The following RNGTT variants were observed in gnomAD, a reference collection of about 807,000 sequenced individuals.
RNGTT encodes the protein mRNA-capping enzyme.
In RNGTT, 33 loss-of-function variants were observed where a neutral mutation model predicts 79.3. The ratio of observed to expected loss-of-function variants is 0.42; its 90% CI spans 0.32 to 0.56. The LOEUF is 0.56. RNGTT is among the 20% of genes least tolerant of loss of function. The probability of loss-of-function intolerance (pLI) is 0.17; values close to 1 mark genes in which losing one functional copy is unlikely to be tolerated. For synonymous variants in RNGTT, 222 were observed against 235.9 expected, an observed-to-expected ratio of 0.94 and a Z score of 0.54; for missense variants, 497 against 739.1, an observed-to-expected ratio of 0.67 and a Z score of 3.80.
intron 6 of RNGTT, among the ~76,000 whole-genome samples, chr6:88,897,759 T>G (rs997263320): frequency 1.7e-4 from 26 of 152,308 alleles, no homozygotes; most frequent in Middle Eastern, 6.8e-3. Context: ...CAAACCTAGA[T>G]TACTTGTCCC....
At chr6:88,897,953 G>T (rs972566352) in intron 6 of RNGTT, among the ~76,000 whole-genome samples, 1 of 152,044 alleles carries the variant, frequency 6.6e-6, no homozygotes. Context: ...AGCTCAGGAT[G>T]ACCCCTCATG....
intron 12 of RNGTT, among the ~76,000 whole-genome samples, chr6:88,782,981 A>C (rs1178284329): frequency 6.6e-6 from 1 of 152,188 alleles, no homozygotes; most frequent in Non-Finnish European, 1.5e-5. Context: ...TGAAAACAGT[A>C]TTGAGGTTCC....
intron 14 of RNGTT, among the ~76,000 whole-genome samples, chr6:88,630,514 T>A (rs139981107): frequency 6.6e-6 from 1 of 152,328 alleles, no homozygotes; most frequent in African/African-American, 2.4e-5. Context: ...GTTTTAACTA[T>A]CACACAGCCT....
At chr6:88,725,455 C>G (rs768871838) in intron 13 of RNGTT, among the ~76,000 whole-genome samples, 32 of 152,308 alleles carry the variant, frequency 2.1e-4, no homozygotes, top group African/African-American at 7.7e-4. Context: ...AGAGAGAAAC[C>G]GCAGGGGCGG....
chr6:88,929,101 A>T, intron 3 of RNGTT, 28 bp from the exon 4 acceptor site: 7 of 1,593,220 alleles, frequency 4.4e-6, no homozygotes, highest in Non-Finnish European at 5.1e-6. Context: ...GTTTTTTTGA[A>T]AAAAGAGATT....
At chr6:88,733,283 G>A (rs781706291) in intron 13 of RNGTT, among the ~76,000 whole-genome samples, 1 of 152,046 alleles carries the variant, frequency 6.6e-6, no homozygotes, top group Admixed American at 6.6e-5. Context: ...AGGATTGTTT[G>A]AGCCCAGGAG....
chr6:88,801,798 G>T (rs531378761), intron 11 of RNGTT, among the ~76,000 whole-genome samples, 166 bp from the exon 12 acceptor site: 1 of 140,770 alleles, frequency 7.1e-6, no homozygotes, highest in Non-Finnish European at 1.5e-5. Flanking sequence ...TTAATACATC[G>T]TAAGATTTGA....
chr6:88,678,137 C>T, intron 14 of RNGTT: 1 of 879,176 alleles, frequency 1.1e-6, no homozygotes, highest in Non-Finnish European at 1.5e-6. Context: ...TAGGCACATG[C>T]CACTGAACTT....
At chr6:88,673,776 C>T (rs187001182) in intron 14 of RNGTT, among the ~76,000 whole-genome samples, 34 of 152,322 alleles carry the variant, frequency 2.2e-4, no homozygotes, top group African/African-American at 7.5e-4. Flanking sequence ...ATACACATAA[C>T]TCTGAGACTG....
At chr6:88,656,708 G>C (rs2127780153) in intron 14 of RNGTT, among the ~76,000 whole-genome samples, 1 of 151,682 alleles carries the variant, frequency 6.6e-6, no homozygotes, top group East Asian at 1.9e-4. Context: ...TCTCTGCCTT[G>C]GGTGAAAGTT....
chr6:88,920,097 G>T (rs552011008), intron 4 of RNGTT, among the ~76,000 whole-genome samples: 1 of 152,148 alleles, frequency 6.6e-6, no homozygotes, highest in South Asian at 2.1e-4. Flanking sequence ...AGTCCAGCCT[G>T]AACAACATAG....
At chr6:88,698,269 G>GATATATATTTC (rs1562202344) in intron 13 of RNGTT, among the ~76,000 whole-genome samples, 1 of 77,162 alleles carries the variant, frequency 1.3e-5, no homozygotes, top group African/African-American at 1.4e-4. Context: ...AAATATATAT[G>GATATATATTTC]ATATATATAT....
chr6:88,732,669 C>A (rs1415139644), intron 13 of RNGTT, among the ~76,000 whole-genome samples: 1 of 152,020 alleles, frequency 6.6e-6, no homozygotes, highest in African/African-American at 2.4e-5. Flanking sequence ...TATTATTTGG[C>A]CTTAAAAAGG....
At chr6:88,777,066 G>A (rs954796657) in intron 12 of RNGTT, among the ~76,000 whole-genome samples, 1 of 152,082 alleles carries the variant, frequency 6.6e-6, no homozygotes, top group African/African-American at 2.4e-5. Flanking sequence ...TTTGTATATG[G>A]ATATTCAAGC....
At chr6:88,820,829 C>T (rs775616582) in intron 11 of RNGTT, among the ~76,000 whole-genome samples, 1 of 152,060 alleles carries the variant, frequency 6.6e-6, no homozygotes, top group Non-Finnish European at 1.5e-5. Context: ...AATGGAGAGA[C>T]AGCACATGTT....
intron 14 of RNGTT, among the ~76,000 whole-genome samples, chr6:88,670,170 C>T (rs913516089): frequency 6.6e-5 from 10 of 152,174 alleles, no homozygotes; most frequent in African/African-American, 2.2e-4. Flanking sequence ...TCGAAAACAT[C>T]GTCAGAGACA....
intron 11 of RNGTT, among the ~76,000 whole-genome samples, chr6:88,807,442 T>C (rs1779994996): frequency 6.6e-6 from 1 of 152,034 alleles, no homozygotes; most frequent in Admixed American, 6.6e-5. Context: ...TCAATGAGAT[T>C]ATCCACAGAC....
chr6:88,769,296 G>C (rs1411668884), intron 13 of RNGTT, among the ~76,000 whole-genome samples: 1 of 151,112 alleles, frequency 6.6e-6, no homozygotes, highest in African/African-American at 2.4e-5. Flanking sequence ...GAGTAGCTGG[G>C]ACCACAGGTA....
Position 88,836,017 on chromosome 6 carries a change from CACACACAT to C in RNGTT, c.1269+8332_1269+8339del, listed in dbSNP as rs1157765501. Among the ~76,000 whole-genome samples, 701 of 115,438 alleles carry C rather than the reference CACACACAT, an allele frequency of 6.1e-3. 6 individuals carry two copies. The highest frequency in any genetic ancestry group is 0.027 in the Middle Eastern group (6 of 220). The allele number at this position is 115,438 out of a possible 152,430, so 75.7% of individuals were successfully genotyped here. A position where few individuals can be genotyped will look rare whatever the true frequency, so the allele number is the denominator to read the frequency against. ...ACACACACACACACACACACACACA[CACACACAT>C]ATATATATAAGATTTACATATATAT... On this transcript the variant is annotated intron_variant, in intron 11 of 15. Coordinates refer to ENST00000369485, the MANE Select transcript of RNGTT (RefSeq NM_003800.5).
Sources: allele counts gnomAD v4.1 joint callset (sites outside exome capture counted in the v4.1 genomes callset), GRCh38; gene constraint gnomAD v4.1.1; transcripts MANE v1.5; gene names NCBI Gene and HGNC (gene_info 2026-07-23, HGNC 2026-07-21).